The following CCAR2 variants were observed in gnomAD, a reference collection of about 807,000 sequenced individuals.
CCAR2 encodes cell cycle and apoptosis regulator 2, also known as cell cycle and apoptosis regulator protein 2.
CCAR2 carries 21 observed loss-of-function variants against 108.1 expected under a neutral mutation model. The observed-to-expected ratio is 0.19, with a 90% CI of 0.14 to 0.28. The LOEUF (loss-of-function observed/expected upper bound fraction) is 0.28. Among genes scored for constraint, CCAR2 ranks in the 10% least tolerant of loss-of-function variants. The pLI is 1.00. For synonymous variants in CCAR2, 577 were observed against 472.8 expected (o/e 1.22, Z -2.86); for missense variants, 1,126 against 1,177.0 (o/e 0.96, Z 0.63).
chr8:22,618,779 C>T (rs201081793), intron 18 of CCAR2, 48 bp from the exon 19 acceptor site: 17 of 1,613,146 alleles, frequency 1.1e-5, no homozygotes, highest in Non-Finnish European at 1.3e-5. Flanking sequence ...GGGCAGGCTG[C>T]CCTCTCTGGA....
At chr8:22,606,289 G>A (rs1801076276) in intron 3 of CCAR2, 113 bp downstream of exon 3, 8 of 959,296 alleles carry the variant, frequency 8.3e-6, no homozygotes, top group Non-Finnish European at 1.3e-5. Flanking sequence ...CCCTCTCCTG[G>A]TAGTGGGCTA....
rs1165521072 is a variant in CCAR2 at position 22,607,308 on chromosome 8, C to G, written c.470C>G (p.Pro157Arg). The G allele has an allele frequency of 6.2e-7, 1 of 1,612,738 alleles. No individual in the cohort carries two copies. The change falls in exon 6 of 21, where the codon CCA becomes CGA. Residue 157 changes from proline (P) to arginine (R), a missense_variant. Transcript: ENST00000308511. ...ATCTTCCAGCCTCACCGGATTCCCCCACTCTTTCCTCAGAAGCGTGAGTAC... is the reference window on the plus strand; with the variant it reads ...ATCTTCCAGCCTCACCGGATTCCCCGACTCTTTCCTCAGAAGCGTGAGTAC... ...QLIFQPHRIP[P>R]LFPQKPLSLF...
At position 22,605,850 on chromosome 8, in the gene CCAR2, A is replaced by G. The variant is rs201673414; in HGVS notation, c.58+19A>G. On this transcript the variant is annotated intron_variant, in intron 2 of 20. Transcript: ENST00000308511. ...TTCTCAGGTGATCACTGTTCTCCCT[A>G]CCTGGCCTCATCCTGGGAAGTATGT... 19 of 1,610,724 alleles carry G rather than the reference A, an allele frequency of 1.2e-5. No homozygotes were observed. The highest frequency in any genetic ancestry group is 1.6e-5 in the Non-Finnish European group (19 of 1,177,924).
chr8:22,617,065 G>A (rs1394710656), intron 14 of CCAR2, among the ~76,000 whole-genome samples: 2 of 151,320 alleles, frequency 1.3e-5, no homozygotes, highest in Non-Finnish European at 2.9e-5. Flanking sequence ...TGTAGAGATG[G>A]GGTTTCACCA....
intron 11 of CCAR2, 112 bp from the exon 12 acceptor site, chr8:22,615,313 C>T (rs1426323654): frequency 6.9e-6 from 9 of 1,300,442 alleles, no homozygotes; most frequent in South Asian, 2.8e-5. Context: ...AAGCTTGGTT[C>T]GCAGTGTGTG....
chr8:22,611,616 A>G (rs558041043), intron 7 of CCAR2, among the ~76,000 whole-genome samples: 3 of 152,274 alleles, frequency 2.0e-5, no homozygotes, highest in South Asian at 4.1e-4. Flanking sequence ...TTATCTATAC[A>G]TGTGCATACT....
chr8:22,619,667 G>T lies in CCAR2; in HGVS notation c.2757G>T (p.Pro919=). The change falls in exon 21 of 21, where the codon CCG becomes CCT. Residue 919 remains proline, a synonymous_variant. Coordinates refer to ENST00000308511, the MANE Select transcript of CCAR2 (RefSeq NM_001393997.1). ...KADSWVEKEE[P]APSN is the part of the protein sequence containing the mutation. The stretch of plus-strand genomic sequence containing the variant: ...ACAGCTGGGTGGAGAAGGAGGAGCC[G>T]GCACCTAGCAACTGACGGCCTCGCA... 1 of 1,575,190 alleles carries T rather than the reference G, an allele frequency of 6.3e-7. No individual in the cohort carries two copies. Among genetic ancestry groups the T allele is most frequent in the Non-Finnish European group, 8.6e-7 (1 of 1,159,938 alleles).
chr8:22,607,266 G>T lies in CCAR2; in HGVS notation c.428G>T (p.Gly143Val). 1 of 1,613,868 alleles carries T rather than the reference G, an allele frequency of 6.2e-7. No homozygotes were observed. The highest frequency in any genetic ancestry group is 1.3e-5 in the African/African-American group (1 of 74,986). The stretch of plus-strand genomic sequence containing the variant: ...CTGGGCCAGAAGCAAGGGATCCTGG[G>T]AGCTCAGCCTCAGTTGATCTTCCAG... ...AALGQKQGILGAQPQLIFQPH... is the reference protein window; with the variant it reads ...AALGQKQGILVAQPQLIFQPH... The change falls in exon 6 of 21, where the codon GGA becomes GTA. Residue 143 changes from glycine (G) to valine (V), a missense_variant. Coordinates refer to ENST00000308511, the MANE Select transcript of CCAR2 (RefSeq NM_001393997.1).
At position 22,620,017 on chromosome 8, in the gene CCAR2, A is replaced by T. The variant is rs201917097; in HGVS notation, c.*335A>T. 1 of 328,774 alleles carries T rather than the reference A, an allele frequency of 3.0e-6. No individual in the cohort carries two copies. Among genetic ancestry groups the T allele is most frequent in the Non-Finnish European group, 5.8e-6 (1 of 173,402 alleles). 20.4% of individuals were successfully genotyped at this position (328,774 alleles called of 1,614,324 possible). A position where few individuals can be genotyped will look rare whatever the true frequency, so the allele number is the denominator to read the frequency against. ...GTCCTCTTCCAGTTTAGAATAAGAC[A>T]GGGGAGAAAAAGGCTTTTCGAGTGT... On this transcript the variant is annotated 3_prime_UTR_variant, in exon 21 of 21. Transcript: ENST00000308511.
chr8:22,621,300 G>A, downstream of CCAR2: 2 of 1,319,504 alleles, frequency 1.5e-6, no homozygotes, highest in African/African-American at 1.5e-5. Context: ...CATTGCAAAG[G>A]GCCGGCAAGT....
Position 22,619,661 on chromosome 8 carries a change from G to A in CCAR2, c.2751G>A (p.Glu917=). The change falls in exon 21 of 21, where the codon GAG becomes GAA. Residue 917 remains glutamate (E), a synonymous_variant. Coordinates refer to ENST00000308511, the MANE Select transcript of CCAR2 (RefSeq NM_001393997.1). ...AGGCTGACAGCTGGGTGGAGAAGGA[G>A]GAGCCGGCACCTAGCAACTGACGGC... ...VEKADSWVEK[E]EPAPSN is the part of the protein sequence containing the mutation. The A allele has an allele frequency of 1.3e-6, 2 of 1,575,758 alleles. No homozygotes were observed. Among genetic ancestry groups the A allele is most frequent in the African/African-American group, 1.3e-5 (1 of 74,272 alleles).
At chr8:22,617,364 T>C (rs1801565457) in intron 14 of CCAR2, 56 bp from the exon 15 acceptor site, 4 of 1,510,046 alleles carry the variant, frequency 2.6e-6, no homozygotes, top group Non-Finnish European at 2.7e-6. Flanking sequence ...ATGCTTACTA[T>C]TGGTAATTAT....
At chr8:22,619,502 C>T (rs1563930702) in intron 20 of CCAR2, 136 bp from the exon 21 acceptor site, 2 of 1,403,466 alleles carry the variant, frequency 1.4e-6, no homozygotes, top group South Asian at 1.3e-5. Flanking sequence ...CAGTGTGCCC[C>T]TGGTTGCAGG....
Position 22,619,650 on chromosome 8 carries a change from G to A in CCAR2, c.2740G>A (p.Val914Met), listed in dbSNP as rs568228240. The A allele has an allele frequency of 1.3e-6, 2 of 1,575,372 alleles. No homozygotes were observed. The highest frequency in any genetic ancestry group is 4.7e-5 in the East Asian group (2 of 42,900). Residue 914 changes from valine to methionine, a missense_variant, in exon 21 of 21, where the codon GTG (valine) becomes ATG (methionine). Coordinates refer to ENST00000308511, the MANE Select transcript of CCAR2 (RefSeq NM_001393997.1). Reference protein sequence around the residue: ...QRVVEKADSWVEKEEPAPSN With the variant: ...QRVVEKADSWMEKEEPAPSN ...CTGTTTCAAACAGGCTGACAGCTGG[G>A]TGGAGAAGGAGGAGCCGGCACCTAG...
intron 7 of CCAR2, among the ~76,000 whole-genome samples, chr8:22,608,969 G>T (rs566532468): frequency 6.6e-6 from 1 of 152,104 alleles, no homozygotes; most frequent in South Asian, 2.1e-4. Context: ...ATTTTAACGT[G>T]GAACTTATGT....
intron 8 of CCAR2, 63 bp downstream of exon 8, chr8:22,613,199 G>C: frequency 1.4e-6 from 2 of 1,458,396 alleles, no homozygotes; most frequent in South Asian, 1.5e-5. Flanking sequence ...ATGTAAATGA[G>C]ATGGCGTCTA....
At position 22,620,417 on chromosome 8, in the gene CCAR2, G is replaced by GCTT. The variant is rs755617496; in HGVS notation, c.*735_*736insCTT. 6.9e-4 allele frequency: 86 copies of GCTT among 124,098 alleles called. No homozygotes were observed. Among genetic ancestry groups the GCTT allele is most frequent in the Non-Finnish European group, 1.2e-3 (70 of 59,346 alleles). The allele number at this position is 124,098 out of a possible 1,614,324, so 7.7% of individuals were successfully genotyped here. On this transcript the variant is annotated 3_prime_UTR_variant, in exon 21 of 21. Coordinates refer to ENST00000308511, the MANE Select transcript of CCAR2 (RefSeq NM_001393997.1). ...GTTTGACTTTGTATATAAAGTTGGG[G>GCTT]TTTTTTTTTTTTTTTTTTGGCTTGT...
At position 22,604,837 on chromosome 8, in the gene CCAR2, C is replaced by T. The variant is rs1297465483; in HGVS notation, c.-44C>T. 53 of 454,062 alleles carry T rather than the reference C, an allele frequency of 1.2e-4. No individual in the cohort carries two copies. The Admixed American group carries it at 1.2e-3, about 11-fold the overall frequency. The allele number at this position is 454,062 out of a possible 1,614,324, so 28.1% of individuals were successfully genotyped here. ...GTCCCCCCGGTGTCGCTGCCCTGGC[C>T]CGCAGGTGGGTTGGGGGGCCCCCTG... On this transcript the variant is annotated 5_prime_UTR_variant, in exon 1 of 21. Coordinates refer to ENST00000308511, the MANE Select transcript of CCAR2 (RefSeq NM_001393997.1).
In CCAR2 at chr8:22,614,974, G is replaced by C. The variant is rs766081775; in HGVS notation, c.1178G>C (p.Gly393Ala). The C allele has an allele frequency of 2.5e-6, 4 of 1,596,742 alleles. No individual in the cohort carries two copies. The highest frequency in any genetic ancestry group is 3.4e-6 in the Non-Finnish European group (4 of 1,171,490). ...TAIRCAQAQT[G>A]IDLSGCTKWW... ...ATCCGCTGTGCGCAGGCCCAGACTG[G>C]CATTGATTTGAGCGGCTGTACCAAG... Residue 393 changes from glycine (G) to alanine (A), a missense_variant, in exon 11 of 21, where the codon GGC becomes GCC. This residue lies in a region of CCAR2 where 1,013 missense variants were observed against 993.9 expected (regional missense o/e 1.02). Coordinates refer to ENST00000308511, the MANE Select transcript of CCAR2 (RefSeq NM_001393997.1).
Sources: gnomAD v4.1 joint callset for allele counts (sites outside exome capture counted in the v4.1 genomes callset) on GRCh38, gnomAD v4.1.1 for gene constraint, gnomAD v4.1.1 regional missense constraint, MANE v1.5 for transcripts, NCBI Gene and HGNC (gene_info 2026-07-23, HGNC 2026-07-21) for gene names.